NRG1: variants seen among roughly 807,000 people sequenced by gnomAD.
The protein encoded by NRG1 is pro-neuregulin-1, membrane-bound isoform.
A neutral mutation model predicts 63.8 loss-of-function variants in NRG1; 18 were observed. The observed-to-expected ratio is 0.28, with a 90% CI of 0.19 to 0.42. The LOEUF is 0.42. Ranked by LOEUF, NRG1 falls within the 10% of genes least tolerant of loss-of-function variation. NRG1 has a pLI of 1.00. For synonymous variants in NRG1, 302 were observed against 301.3 expected (o/e 1.00, Z -0.02); for missense variants, 762 against 814.7 (o/e 0.94, Z 0.79).
At chr8:31,955,892 T>A (rs768562775) in intron 1 of NRG1, among the ~76,000 whole-genome samples, 2 of 150,700 alleles carry the variant, frequency 1.3e-5, no homozygotes, top group Non-Finnish European at 1.5e-5. Context: ...AAAGAAAAAA[T>A]CAGCCTGGCA....
At chr8:31,925,653 AT>A (rs1286569106) in intron 1 of NRG1, among the ~76,000 whole-genome samples, 3 of 150,698 alleles carry the variant, frequency 2.0e-5, no homozygotes, top group African/African-American at 4.9e-5. Context: ...TACCATTTTT[AT>A]TTTTTTCTCA....
intron 1 of NRG1, among the ~76,000 whole-genome samples, chr8:32,337,551 A>T (rs1167179990): frequency 6.6e-6 from 1 of 150,996 alleles, no homozygotes; most frequent in African/African-American, 2.4e-5. Flanking sequence ...GTCACATCAC[A>T]CTAACACTAA....
At chr8:32,662,188 A>C (rs973799776) in intron 5 of NRG1, among the ~76,000 whole-genome samples, 8 of 152,174 alleles carry the variant, frequency 5.3e-5, no homozygotes, top group African/African-American at 1.7e-4. Flanking sequence ...GAAATACATA[A>C]ACAGAATGGT....
At chr8:32,283,562 G>A (rs1853142303) in intron 1 of NRG1, among the ~76,000 whole-genome samples, 1 of 152,132 alleles carries the variant, frequency 6.6e-6, no homozygotes, top group South Asian at 2.1e-4. Context: ...AGCCATCAAA[G>A]GTAGTACAAA....
At chr8:31,797,392 G>A (rs1340784732) in intron 1 of NRG1, among the ~76,000 whole-genome samples, 1 of 152,128 alleles carries the variant, frequency 6.6e-6, no homozygotes, top group East Asian at 1.9e-4. Context: ...AGAATATGTG[G>A]TCTCAATAAA....
chr8:32,029,933 A>G lies in NRG1; in HGVS notation c.37+390502A>G, dbSNP rs527952133. ...GTATTATCATTTTAAAATTTAATGAACATCTCTGGACTCTAAATATTTTTC... is the reference window on the plus strand; with the variant it reads ...GTATTATCATTTTAAAATTTAATGAGCATCTCTGGACTCTAAATATTTTTC... On this transcript the variant is annotated intron_variant, in intron 1 of 10. Coordinates refer to the NRG1 transcript ENST00000519301. Among the ~76,000 whole-genome samples, 89 of 152,238 alleles carry G rather than the reference A, an allele frequency of 5.8e-4. 1 individual carries two copies. The highest frequency in any genetic ancestry group is 1.9e-3 in the African/African-American group (81 of 41,562).
At chr8:32,288,521 A>G (rs574608811) in intron 1 of NRG1, among the ~76,000 whole-genome samples, 3 of 152,356 alleles carry the variant, frequency 2.0e-5, no homozygotes, top group Non-Finnish European at 2.9e-5. Flanking sequence ...ATTTTCTTAT[A>G]TAATCAATAA....
At position 31,640,314 on chromosome 8, in the gene NRG1, G is replaced by A; in HGVS notation, c.37+883G>A. 8.6e-7 allele frequency: 1 copy of A among 1,156,116 alleles called. No individual in the cohort carries two copies. The highest frequency in any genetic ancestry group is 4.2e-5 in the South Asian group (1 of 23,732). The allele number at this position is 1,156,116 out of a possible 1,614,324, so 71.6% of individuals were successfully genotyped here. ...CGGCGGCGGCGGGCGAGGCAGGGGC[G>A]TGGGGCGGCGATCGCGAGCCGCCAG... On this transcript the variant is annotated intron_variant, in intron 1 of 10. Coordinates refer to the NRG1 transcript ENST00000519301. The surrounding 1 kb of genome is among the most constrained non-coding windows in gnomAD (Gnocchi z 6.3).
chr8:31,856,348 T>A (rs993933270), intron 1 of NRG1, among the ~76,000 whole-genome samples: 5 of 152,332 alleles, frequency 3.3e-5, no homozygotes, highest in Middle Eastern at 3.4e-3. Context: ...CCCTTCTTGC[T>A]TCATTTCATT....
Position 31,974,688 on chromosome 8 carries a change from G to A in NRG1, c.37+335257G>A, listed in dbSNP as rs113967301. Reference sequence around the variant, plus strand: ...CAAGAACCGCACTACTGAATCTCCCGTGTCTTTGTCCCTCCAGATAATTTA... The same window carrying A: ...CAAGAACCGCACTACTGAATCTCCCATGTCTTTGTCCCTCCAGATAATTTA... On this transcript the variant is annotated intron_variant, in intron 1 of 10. Coordinates refer to the NRG1 transcript ENST00000519301. Among the ~76,000 whole-genome samples the A allele has an allele frequency of 4.7e-3, 712 of 152,256 alleles. 2 individuals are homozygous for A. Among genetic ancestry groups the A allele is most frequent in the Non-Finnish European group, 7.6e-3 (515 of 68,018 alleles).
chr8:32,354,222 A>C (rs1806041692), intron 1 of NRG1, among the ~76,000 whole-genome samples: 1 of 152,048 alleles, frequency 6.6e-6, no homozygotes, highest in Admixed American at 6.6e-5. Context: ...TACAAAAATT[A>C]GCCAGGCGTG....
Position 32,569,239 on chromosome 8 carries a change from G to T in NRG1, c.100+20413G>T, listed in dbSNP as rs138321750. ...TAATTTTTGAATTTTTTGCAGAGAG[G>T]GGTTTTGCCATGTTGGCCAGGCTGG... On this transcript the variant is annotated intron_variant, in intron 1 of 11. Transcript: ENST00000356819. 2.9e-3 allele frequency among the ~76,000 whole-genome samples: 445 copies of T among 152,218 alleles called. 1 individual carries two copies. The highest frequency in any genetic ancestry group is 4.8e-3 in the Non-Finnish European group (329 of 68,022).
At chr8:32,309,582 A>G (rs954380111) in intron 1 of NRG1, among the ~76,000 whole-genome samples, 2 of 152,154 alleles carry the variant, frequency 1.3e-5, no homozygotes, top group African/African-American at 2.4e-5. Context: ...TAAAAGGAGG[A>G]TTGGGGGTGA....
chr8:31,999,465 C>A (rs560199130), intron 1 of NRG1, among the ~76,000 whole-genome samples: 66 of 152,038 alleles, frequency 4.3e-4, no homozygotes, highest in African/African-American at 1.5e-3. Context: ...CAGCTCAGTA[C>A]CCAAAAGATG....
At chr8:32,054,473 A>G (rs1822513155) in intron 1 of NRG1, among the ~76,000 whole-genome samples, 1 of 152,200 alleles carries the variant, frequency 6.6e-6, no homozygotes, top group African/African-American at 2.4e-5. Flanking sequence ...GCCTGCAGTC[A>G]CCAACAGAAG....
intron 1 of NRG1, among the ~76,000 whole-genome samples, chr8:32,299,017 C>CTCTA (rs1855263585): frequency 8.8e-6 from 1 of 113,416 alleles, no homozygotes; most frequent in Admixed American, 1.0e-4. Context: ...CAAAGTTAGA[C>CTCTA]TCTATCTCAA....
intron 7 of NRG1, chr8:32,743,282 A>C: frequency 1.1e-6 from 1 of 939,530 alleles, no homozygotes; most frequent in Non-Finnish European, 1.3e-6. Context: ...TTTTTTAAAA[A>C]AGCATCAAGT....
chr8:32,298,596 C>T (rs543978598), intron 1 of NRG1, among the ~76,000 whole-genome samples: 1 of 151,870 alleles, frequency 6.6e-6, no homozygotes, highest in African/African-American at 2.4e-5. Flanking sequence ...TGCCTGTAAT[C>T]CTAGCTACTC....
intron 1 of NRG1, among the ~76,000 whole-genome samples, chr8:31,784,306 T>C (rs1383055810): frequency 1.3e-5 from 2 of 152,214 alleles, no homozygotes; most frequent in Admixed American, 6.5e-5. Context: ...AAGGAAATCA[T>C]GGTGAAACTT....
Sources: gnomAD v4.1 joint callset for allele counts (sites outside exome capture counted in the v4.1 genomes callset) on GRCh38, gnomAD v4.1.1 for gene constraint, Gnocchi (gnomAD v3.1) non-coding constraint, MANE v1.5 for transcripts, NCBI Gene and HGNC (gene_info 2026-07-23, HGNC 2026-07-21) for gene names.